CAB39L: variants seen among roughly 807,000 people sequenced by gnomAD.
CAB39L encodes calcium-binding protein 39-like.
Under a neutral mutation model 39.1 loss-of-function variants are expected in CAB39L, and 23 were observed. The observed-to-expected ratio is 0.59, with a 90% CI of 0.42 to 0.83. CAB39L has a LOEUF of 0.83. CAB39L is among the 40% of genes least tolerant of loss of function. The pLI is 0.00. For missense variants in CAB39L, 366 were observed against 391.9 expected, an observed-to-expected ratio of 0.93 and a Z score of 0.56; for synonymous variants, 126 against 137.2, an observed-to-expected ratio of 0.92 and a Z score of 0.57.
intron 10 of CAB39L, among the ~76,000 whole-genome samples, chr13:49,314,111 C>A (rs932071905): frequency 1.3e-5 from 2 of 152,062 alleles, no homozygotes; most frequent in African/African-American, 4.8e-5. Flanking sequence ...AAGCAGCATT[C>A]CAGGAATACT....
intron 10 of CAB39L, among the ~76,000 whole-genome samples, chr13:49,317,644 A>C (rs1954196809): frequency 6.6e-6 from 1 of 152,184 alleles, no homozygotes; most frequent in South Asian, 2.1e-4. Flanking sequence ...TCAATCAAAG[A>C]CCTAAATATA....
chr13:49,314,195 G>T (rs567442442), intron 10 of CAB39L, among the ~76,000 whole-genome samples: 1 of 152,174 alleles, frequency 6.6e-6, no homozygotes. Flanking sequence ...GTAAGGGAAC[G>T]TGGGAGCTAA....
At chr13:49,386,649 T>G (rs1032611343) in intron 3 of CAB39L, among the ~76,000 whole-genome samples, 2 of 152,158 alleles carry the variant, frequency 1.3e-5, no homozygotes, top group African/African-American at 4.8e-5. Flanking sequence ...ATTCTTCTAT[T>G]TTGGGATCCA....
intron 5 of CAB39L, among the ~76,000 whole-genome samples, chr13:49,374,896 A>G (rs1956014333): frequency 1.3e-5 from 2 of 152,230 alleles, no homozygotes; most frequent in Admixed American, 6.5e-5. Flanking sequence ...ATTAATGACG[A>G]CAGTAGCTTA....
At chr13:49,433,467 T>A (rs546679296) in intron 2 of CAB39L, 74 bp from the exon 3 acceptor site, 1 of 414,568 alleles carries the variant, frequency 2.4e-6, no homozygotes, top group Admixed American at 3.2e-5. Flanking sequence ...CTTATTGCTT[T>A]CAGGTATACA....
At chr13:49,397,842 T>C (rs1956675146) in intron 3 of CAB39L, among the ~76,000 whole-genome samples, 1 of 152,084 alleles carries the variant, frequency 6.6e-6, no homozygotes, top group Non-Finnish European at 1.5e-5. Context: ...CTTACTGAAA[T>C]TAACAAATGG....
chr13:49,329,545 ATATATATATATATATATATAT>A (rs1298041967), intron 10 of CAB39L, among the ~76,000 whole-genome samples: 1,453 of 84,486 alleles, frequency 0.017, 189 homozygotes, highest in African/African-American at 0.04. Flanking sequence ...AAAAAAAAAA[ATATATATATATATATATATAT>A]ATATATATAT....
At chr13:49,428,251 A>G (rs1957271302) in intron 3 of CAB39L, among the ~76,000 whole-genome samples, 1 of 152,330 alleles carries the variant, frequency 6.6e-6, no homozygotes, top group South Asian at 2.1e-4. Context: ...CAGGAATGCA[A>G]TCATCATGAA....
intron 5 of CAB39L, among the ~76,000 whole-genome samples, chr13:49,360,405 T>C (rs1028002056): frequency 2.0e-5 from 3 of 152,144 alleles, no homozygotes; most frequent in Non-Finnish European, 4.4e-5. Flanking sequence ...TCATAACAAA[T>C]CACATCTAGC....
chr13:49,413,689 C>T (rs1013257911), intron 3 of CAB39L: 1 of 152,102 alleles, frequency 6.6e-6, no homozygotes, highest in Non-Finnish European at 1.5e-5. Context: ...ACACTTGGCC[C>T]AACACGTTTT....
chr13:49,317,159 T>C (rs150263344), intron 10 of CAB39L, among the ~76,000 whole-genome samples: 54 of 152,320 alleles, frequency 3.5e-4, no homozygotes, highest in African/African-American at 9.6e-4. Context: ...TAGCAGAATA[T>C]AGGGAAACCA....
intron 3 of CAB39L, among the ~76,000 whole-genome samples, chr13:49,400,401 TAA>T (rs1956737788): frequency 6.6e-6 from 1 of 151,696 alleles, no homozygotes; most frequent in African/African-American, 2.4e-5. Flanking sequence ...TAGATATTTT[TAA>T]GAGTTTATTT....
At chr13:49,333,684 G>A (rs957669788) in intron 9 of CAB39L, among the ~76,000 whole-genome samples, 5 of 146,910 alleles carry the variant, frequency 3.4e-5, no homozygotes, top group Admixed American at 2.8e-4. Flanking sequence ...CCATTCTCCC[G>A]CCTCAGCCTC....
intron 3 of CAB39L, among the ~76,000 whole-genome samples, chr13:49,429,567 G>A (rs560301121): frequency 6.6e-6 from 1 of 152,132 alleles, no homozygotes; most frequent in African/African-American, 2.4e-5. Context: ...ACCACAAATT[G>A]GCTGACTGGG....
chr13:49,369,886 G>A lies in CAB39L; in HGVS notation c.276+7081C>T, dbSNP rs373790086. 3.7e-4 allele frequency among the ~76,000 whole-genome samples: 54 copies of A among 146,238 alleles called. No individual in the cohort carries two copies. The East Asian group carries it at 5.1e-3, about 14-fold the overall frequency. The stretch of plus-strand genomic sequence containing the variant: ...CAGGCGTGAGCCACCGTGCCCAGCC[G>A]GCATAGGAGAATTTTTTAGGGTGAT... On this transcript the variant is annotated intron_variant, in intron 5 of 10. Coordinates refer to ENST00000409308, the MANE Select transcript of CAB39L (RefSeq NM_001079670.3).
chr13:49,311,108 T>G, intron 10 of CAB39L, 115 bp from the exon 11 acceptor site: 4 of 824,430 alleles, frequency 4.9e-6, no homozygotes, highest in Admixed American at 4.7e-5. Context: ...GTGACTGATA[T>G]TATTAATGCG....
intron 3 of CAB39L, among the ~76,000 whole-genome samples, chr13:49,391,824 A>G (rs1382552639): frequency 2.0e-5 from 3 of 152,168 alleles, no homozygotes; most frequent in Non-Finnish European, 4.4e-5. Context: ...AAGTATAAAC[A>G]AATAGTAAAC....
chr13:49,396,528 G>GA (rs1211371828), intron 3 of CAB39L, among the ~76,000 whole-genome samples: 1 of 152,098 alleles, frequency 6.6e-6, no homozygotes, highest in Non-Finnish European at 1.5e-5. Context: ...AGCCAACATG[G>GA]TGAAACCTCG....
rs551458761 is a variant in CAB39L, at chr13:49,420,792, G to A, written c.-32+12526C>T. ...GCATCAGTATTACTGTTGGAATTAC[G>A]AGAATTTGAAAGATAGCTGCATATA... On this transcript the variant is annotated intron_variant, in intron 3 of 10. Coordinates refer to ENST00000409308, the MANE Select transcript of CAB39L (RefSeq NM_001079670.3). Among the ~76,000 whole-genome samples, 13 of 152,238 alleles carry A rather than the reference G, an allele frequency of 8.5e-5. No individual in the cohort carries two copies. The South Asian group carries it at 1.9e-3, about 22-fold the overall frequency.
Sources: gnomAD v4.1 joint callset for allele counts (sites outside exome capture counted in the v4.1 genomes callset) on GRCh38, gnomAD v4.1.1 for gene constraint, MANE v1.5 for transcripts, NCBI Gene and HGNC (gene_info 2026-07-23, HGNC 2026-07-21) for gene names.